COL3A1: variants seen among roughly 807,000 people sequenced by gnomAD.
The protein encoded by COL3A1 is collagen type III alpha 1 chain.
COL3A1 carries 46 observed loss-of-function variants against 200.9 expected under a neutral mutation model. The observed-to-expected ratio is 0.23, with a 90% CI of 0.18 to 0.29. The LOEUF is 0.29. Among genes scored for constraint, COL3A1 ranks in the 10% least tolerant of loss-of-function variants. COL3A1 has a pLI of 1.00. For synonymous variants in COL3A1, 650 were observed against 628.0 expected (o/e 1.03, Z -0.52); for missense variants, 1,367 against 1,917.6 (o/e 0.71, Z 5.36).
chr2:188,997,666 G>A (rs780301596), intron 26 of COL3A1, 34 bp from the exon 27 acceptor site: 36 of 1,595,546 alleles, frequency 2.3e-5, no homozygotes, highest in Non-Finnish European at 3.1e-5. Context: ...ATAAAAGGAT[G>A]TTTACAACAG....
In COL3A1 at chr2:188,984,783, C is replaced by T. The variant is rs368703012; in HGVS notation, c.103C>T (p.Leu35Phe). Residue 35 changes from leucine (L) to phenylalanine (F), a missense_variant, in exon 2 of 51, where the codon CTT becomes TTT. Leu to Phe is a conservative substitution (Grantham distance 22). Coordinates refer to ENST00000304636, the MANE Select transcript of COL3A1 (RefSeq NM_000090.4). ...QEAVEGGCSHLGQSYADRDVW... is the reference protein window; with the variant it reads ...QEAVEGGCSHFGQSYADRDVW... ...AGCTGTTGAAGGAGGATGTTCCCAT[C>T]TTGGTCAGTCCTATGCGGATAGAGA... 1.2e-6 allele frequency: 2 copies of T among 1,612,922 alleles called. No individual in the cohort carries two copies. Among genetic ancestry groups the T allele is most frequent in the African/African-American group, 2.7e-5 (2 of 74,842 alleles).
chr2:188,987,055 A>G lies in COL3A1; in HGVS notation c.448-4A>G. The G allele has an allele frequency of 6.2e-7, 1 of 1,611,368 alleles. No homozygotes were observed. Among genetic ancestry groups the G allele is most frequent in the Middle Eastern group, 1.7e-4 (1 of 6,054 alleles). On this transcript the variant is annotated splice_region_variant and splice_polypyrimidine_tract_variant and intron_variant, in intron 4 of 50. Coordinates refer to ENST00000304636, the MANE Select transcript of COL3A1 (RefSeq NM_000090.4). Reference sequence around the variant, plus strand: ...GATCATATCTATTTGTCTCCTTGCCACAGAACTATTCTCCCCAGTATGATT... The same window carrying G: ...GATCATATCTATTTGTCTCCTTGCCGCAGAACTATTCTCCCCAGTATGATT...
intron 14 of COL3A1, 24 bp from the exon 15 acceptor site, chr2:188,992,863 T>C: frequency 6.2e-7 from 1 of 1,611,048 alleles, no homozygotes; most frequent in East Asian, 2.2e-5. Flanking sequence ...AAAGAGCTCT[T>C]GAAATTGTAT....
chr2:188,996,127 C>T lies in COL3A1; in HGVS notation c.1611C>T (p.Gly537=). 6.2e-7 allele frequency: 1 copy of T among 1,613,518 alleles called. No homozygotes were observed. Among genetic ancestry groups the T allele is most frequent in the Non-Finnish European group, 8.5e-7 (1 of 1,179,732 alleles). Residue 537 remains glycine (G), a splice_region_variant and synonymous_variant, in exon 23 of 51, where the codon GGC becomes GGT. Coordinates refer to ENST00000304636, the MANE Select transcript of COL3A1 (RefSeq NM_000090.4). ...AACAACTGACTTCTTTACTTCAGGG[C>T]ATGCCCGGAAGTCCAGGAGGACCAG... is the stretch of plus-strand genomic sequence containing the variant. ...DGVPGGPGMR[G]MPGSPGGPGS... is the part of the protein sequence containing the mutation.
At chr2:189,008,369 C>G (rs555477728) in intron 47 of COL3A1, 14 of 557,910 alleles carry the variant, frequency 2.5e-5, no homozygotes, top group Non-Finnish European at 4.5e-5. Flanking sequence ...TCCATCGTAT[C>G]AGAATAATGA....
rs770434941 is a variant in COL3A1, at chr2:188,991,732, G to C, written c.951+10G>C. 6 of 1,613,410 alleles carry C rather than the reference G, an allele frequency of 3.7e-6. No individual in the cohort carries two copies. Among genetic ancestry groups the C allele is most frequent in the Non-Finnish European group, 5.1e-6 (6 of 1,179,456 alleles). On this transcript the variant is annotated intron_variant, in intron 13 of 50. Transcript: ENST00000304636. ...ACTTCCTGGGGCTGCAGTGAGTATA[G>C]CTGCTAACATCACACAATTACAACC...
intron 1 of COL3A1, 28 bp downstream of exon 1, chr2:188,974,596 T>C: frequency 6.3e-7 from 1 of 1,584,574 alleles, no homozygotes; most frequent in Non-Finnish European, 8.7e-7. Flanking sequence ...TCAAGAAACT[T>C]TATGGGATTT....
At position 188,984,798 on chromosome 2, in the gene COL3A1, G is replaced by A. The variant is rs763720540; in HGVS notation, c.118G>A (p.Ala40Thr). The A allele has an allele frequency of 1.1e-5, 18 of 1,613,062 alleles. No individual in the cohort carries two copies. Among genetic ancestry groups the A allele is most frequent in the Non-Finnish European group, 1.4e-5 (16 of 1,179,310 alleles). Residue 40 changes from alanine (A) to threonine (T), a missense_variant, in exon 2 of 51, where the codon GCG becomes ACG. Physicochemically the swap from Ala to Thr is moderately conservative, Grantham distance 58 (BLOSUM62 0). Around this residue, in one of 5 missense-constraint regions of COL3A1, gnomAD observed 55 missense variants for 51.5 expected, o/e 1.07. Coordinates refer to ENST00000304636, the MANE Select transcript of COL3A1 (RefSeq NM_000090.4). ...GGCSHLGQSYADRDVWKPEPC... is the reference protein window; with the variant it reads ...GGCSHLGQSYTDRDVWKPEPC... ...ATGTTCCCATCTTGGTCAGTCCTAT[G>A]CGGATAGAGATGTCTGGAAGCCAGA...
intron 21 of COL3A1, 39 bp downstream of exon 21, chr2:188,995,138 C>T (rs1688277408): frequency 1.9e-6 from 3 of 1,560,678 alleles, no homozygotes; most frequent in East Asian, 4.5e-5. Context: ...AATGCTAGCA[C>T]CACAAATGGG....
chr2:189,002,906 G>A lies in COL3A1; in HGVS notation c.2446-49G>A, dbSNP rs903627431. On this transcript the variant is annotated intron_variant, in intron 35 of 50. Coordinates refer to ENST00000304636, the MANE Select transcript of COL3A1 (RefSeq NM_000090.4). ...GAAGAGAAATAATAATAAGCCAATT[G>A]TATCATAAAGAGTGTCAGCTGAGAG... 7.8e-6 allele frequency: 10 copies of A among 1,283,534 alleles called. No individual in the cohort carries two copies. In the African/African-American group the frequency reaches 1.2e-4, roughly 15 times the overall value. The allele number at this position is 1,283,534 out of a possible 1,614,324, so 79.5% of individuals were successfully genotyped here.
chr2:188,984,805 G>C lies in COL3A1; in HGVS notation c.125G>C (p.Arg42Thr), dbSNP rs1304206848. 6.2e-7 allele frequency: 1 copy of C among 1,613,050 alleles called. No homozygotes were observed. Among genetic ancestry groups the C allele is most frequent in the African/African-American group, 1.3e-5 (1 of 74,840 alleles). ...CSHLGQSYAD[R>T]DVWKPEPCQI... ...CATCTTGGTCAGTCCTATGCGGATA[G>C]AGATGTCTGGAAGCCAGAACCATGC... Residue 42 changes from arginine (R) to threonine (T), a missense_variant, in exon 2 of 51, where the codon AGA becomes ACA. Arg to Thr is a moderately conservative substitution (Grantham distance 71). Coordinates refer to ENST00000304636, the MANE Select transcript of COL3A1 (RefSeq NM_000090.4).
In COL3A1 at chr2:189,011,652, A is replaced by G; in HGVS notation, c.4279A>G (p.Thr1427Ala). The change falls in exon 51 of 51, where the codon ACA (threonine) becomes GCA (alanine). Residue 1427 changes from threonine (T) to alanine (A), a missense_variant. Thr to Ala is a moderately conservative substitution (Grantham distance 58). Coordinates refer to ENST00000304636, the MANE Select transcript of COL3A1 (RefSeq NM_000090.4). ...CTKHTGEWSK[T>A]VFEYRTRKAV... ...GAAACACACTGGGGAATGGAGCAAA[A>G]CAGTCTTTGAATATCGAACACGCAA... 6.2e-7 allele frequency: 1 copy of G among 1,614,004 alleles called. No homozygotes were observed. The highest frequency in any genetic ancestry group is 8.5e-7 in the Non-Finnish European group (1 of 1,179,896).
Position 189,001,421 on chromosome 2 carries a change from C to T in COL3A1, c.2308C>T (p.Pro770Ser), listed in dbSNP as rs770241798. The change falls in exon 33 of 51, where the codon CCT (proline) becomes TCT (serine). Residue 770 changes from proline to serine, a missense_variant. Transcript: ENST00000304636. ...GGGTCCTACTGGTCCTATTGGTCCT[C>T]CTGGCCCAGCTGGCCAGCCTGGAGA... ...PRGPTGPIGP[P>S]GPAGQPGDKG... is the part of the protein sequence containing the mutation. 1.8e-5 allele frequency: 29 copies of T among 1,613,872 alleles called. No homozygotes were observed. The highest frequency in any genetic ancestry group is 2.4e-5 in the Non-Finnish European group (28 of 1,179,754).
Position 188,977,237 on chromosome 2 carries a change from A to G in COL3A1, c.79+2669A>G, listed in dbSNP as rs1687840313. Among the ~76,000 whole-genome samples the G allele has an allele frequency of 2.0e-5, 3 of 152,134 alleles. No homozygotes were observed. The South Asian group carries it at 6.2e-4, about 31-fold the overall frequency. On this transcript the variant is annotated intron_variant, in intron 1 of 50. Transcript: ENST00000304636. ...TTATAGACAGCTGTTACTAAGTAAT[A>G]CTGCTCCATTAGGGCAGAAACAGAA...
rs1559061626 is a variant in COL3A1, at chr2:189,006,272, C to A, written c.3093+13C>A. On this transcript the variant is annotated intron_variant, in intron 42 of 50. Transcript: ENST00000304636. The stretch of plus-strand genomic sequence containing the variant: ...TCCTGGTGGCAAGGTATAATAAACA[C>A]ATGTGCAATTGATTTGTGTTATCAA... 1 of 1,614,054 alleles carries A rather than the reference C, an allele frequency of 6.2e-7. No homozygotes were observed. The highest frequency in any genetic ancestry group is 1.7e-5 in the Admixed American group (1 of 60,018).
chr2:189,009,055 T>C lies in COL3A1; in HGVS notation c.3657T>C (p.Tyr1219=). The change falls in exon 48 of 51, where the codon TAT becomes TAC. Residue 1219 remains tyrosine, a synonymous_variant. Coordinates refer to ENST00000304636, the MANE Select transcript of COL3A1 (RefSeq NM_000090.4). ...GGEKAGGFAP[Y]YGDEPMDFKI... ...AAAAAGCTGGCGGTTTTGCCCCGTA[T>C]TATGGAGATGAACCAATGGATTTCA... 2 of 1,614,192 alleles carry C rather than the reference T, an allele frequency of 1.2e-6. No individual in the cohort carries two copies. Among genetic ancestry groups the C allele is most frequent in the Non-Finnish European group, 1.7e-6 (2 of 1,180,026 alleles).
chr2:188,994,311 T>A lies in COL3A1; in HGVS notation c.1272T>A (p.Ala424=). 4 of 1,613,762 alleles carry A rather than the reference T, an allele frequency of 2.5e-6. No individual in the cohort carries two copies. The highest frequency in any genetic ancestry group is 1.1e-5 in the South Asian group (1 of 91,058). ...CAGGACCAGCCGGTGCTAATGGTGCTCCTGGACTGCGAGGTGGTGCAGTAA... is the reference window on the plus strand; with the variant it reads ...CAGGACCAGCCGGTGCTAATGGTGCACCTGGACTGCGAGGTGGTGCAGTAA... ...GPPGPAGANG[A]PGLRGGAGEP... is the part of the protein sequence containing the mutation. The change falls in exon 18 of 51, where the codon GCT becomes GCA. Residue 424 remains alanine, a synonymous_variant. Transcript: ENST00000304636. This position sits in a 1 kb window ranked among gnomAD's most constrained non-coding sequence, Gnocchi z 4.5.
At position 189,007,700 on chromosome 2, in the gene COL3A1, T is replaced by C. The variant is rs141671792; in HGVS notation, c.3363+93T>C. The C allele has an allele frequency of 5.6e-5, 71 of 1,257,954 alleles. No individual in the cohort carries two copies. The African/African-American group carries it at 1.0e-3, about 18-fold the overall frequency. The allele number at this position is 1,257,954 out of a possible 1,614,324, so 77.9% of individuals were successfully genotyped here. Reference sequence around the variant, plus strand: ...GCTTTCCATCTCTAAAAATATGTACTAGAAGAGATGAGAAATGGATTTGAA... The same window carrying C: ...GCTTTCCATCTCTAAAAATATGTACCAGAAGAGATGAGAAATGGATTTGAA... On this transcript the variant is annotated intron_variant, in intron 45 of 50. Transcript: ENST00000304636.
chr2:188,979,869 G>C (rs1687913061), intron 1 of COL3A1, among the ~76,000 whole-genome samples: 1 of 151,626 alleles, frequency 6.6e-6, no homozygotes, highest in Admixed American at 6.6e-5. Flanking sequence ...TTTTCACCCT[G>C]ACTGTGTAAC....
Sources: allele counts gnomAD v4.1 joint callset (sites outside exome capture counted in the v4.1 genomes callset), GRCh38; gene constraint gnomAD v4.1.1; regional missense constraint gnomAD v4.1.1; non-coding constraint Gnocchi (gnomAD v3.1); transcripts MANE v1.5; gene names NCBI Gene and HGNC (gene_info 2026-07-23, HGNC 2026-07-21).